The following HHAT variants were observed in gnomAD, a reference collection of about 807,000 sequenced individuals.
HHAT encodes the protein protein-cysteine N-palmitoyltransferase HHAT.
Under a neutral mutation model 70.8 loss-of-function variants are expected in HHAT, and 47 were observed. The observed-to-expected ratio is 0.66, with a 90% CI of 0.53 to 0.85. The LOEUF (loss-of-function observed/expected upper bound fraction) is 0.85, where lower values mean the gene tolerates loss of function less well. HHAT is among the 40% of genes least tolerant of loss of function. HHAT has a pLI of 0.00. For synonymous variants in HHAT, 228 were observed against 247.6 expected (o/e 0.92, Z 0.74); for missense variants, 609 against 604.8 (o/e 1.01, Z -0.07).
intron 11 of HHAT, among the ~76,000 whole-genome samples, chr1:210,643,686 G>A (rs371633314): frequency 3.3e-5 from 5 of 151,706 alleles, no homozygotes; most frequent in Non-Finnish European, 4.4e-5. Flanking sequence ...TGGCATTTGC[G>A]TTGTCTTTCA....
intron 7 of HHAT, among the ~76,000 whole-genome samples, chr1:210,420,593 A>G (rs1213080309): frequency 1.3e-5 from 2 of 152,122 alleles, no homozygotes; most frequent in African/African-American, 2.4e-5. Context: ...AGCATGGCAC[A>G]TGTATACATA....
chr1:210,619,516 C>T (rs1668425883), intron 10 of HHAT, among the ~76,000 whole-genome samples: 1 of 152,168 alleles, frequency 6.6e-6, no homozygotes, highest in Admixed American at 6.5e-5. Context: ...TTTGGCATTA[C>T]TCCTAATGCC....
rs960237574 is a variant in HHAT at position 210,643,761 on chromosome 1, A to G, written c.1390+20091A>G. Among the ~76,000 whole-genome samples, 11 of 152,000 alleles carry G rather than the reference A, an allele frequency of 7.2e-5. 1 individual carries two copies. Among genetic ancestry groups the G allele is most frequent in the Non-Finnish European group, 1.6e-4 (11 of 68,014 alleles). The stretch of plus-strand genomic sequence containing the variant: ...GTTGGAAGAGAAAAAGGAACATCTT[A>G]TTCAATTTAATAGACAGAATTTAAA... On this transcript the variant is annotated intron_variant, in intron 11 of 11. Transcript: ENST00000261458.
chr1:210,611,134 C>T (rs1252960965), intron 10 of HHAT, among the ~76,000 whole-genome samples: 1 of 152,160 alleles, frequency 6.6e-6, no homozygotes, highest in East Asian at 1.9e-4. Context: ...ATTGATTATT[C>T]CTATCCATGA....
intron 8 of HHAT, among the ~76,000 whole-genome samples, chr1:210,497,165 G>T (rs761176478): frequency 2.0e-5 from 3 of 152,226 alleles, no homozygotes; most frequent in East Asian, 3.9e-4. Flanking sequence ...TGAGAATAGG[G>T]ATTATTAGAA....
At chr1:210,348,493 C>T (rs977247826) in intron 1 of HHAT, among the ~76,000 whole-genome samples, 1 of 152,066 alleles carries the variant, frequency 6.6e-6, no homozygotes, top group African/African-American at 2.4e-5. Flanking sequence ...TTTTTGAAGC[C>T]ATTTATTATT....
chr1:210,406,673 G>A (rs6684845), intron 6 of HHAT, among the ~76,000 whole-genome samples: 2,435 of 152,292 alleles, frequency 0.016, 73 homozygotes, highest in African/African-American at 0.056. Flanking sequence ...TTACAGGCTT[G>A]AGCCTGGCCT....
At chr1:210,627,433 C>G (rs549528874) in intron 11 of HHAT, among the ~76,000 whole-genome samples, 2 of 152,170 alleles carry the variant, frequency 1.3e-5, no homozygotes, top group East Asian at 3.9e-4. Context: ...TTTGCTTGCT[C>G]TAAACTACAA....
chr1:210,367,003 A>G (rs1403774611), intron 3 of HHAT, among the ~76,000 whole-genome samples: 4 of 152,118 alleles, frequency 2.6e-5, no homozygotes, highest in Non-Finnish European at 5.9e-5. Context: ...TCAAGTCCAT[A>G]TGGAGCGCTG....
chr1:210,411,161 T>G (rs1250509192), intron 6 of HHAT, among the ~76,000 whole-genome samples: 1 of 152,134 alleles, frequency 6.6e-6, no homozygotes, highest in Non-Finnish European at 1.5e-5. Flanking sequence ...CAGCGATATT[T>G]TCTTGATTAT....
intron 7 of HHAT, among the ~76,000 whole-genome samples, chr1:210,428,037 A>G (rs868445191): frequency 5.3e-5 from 8 of 152,058 alleles, no homozygotes; most frequent in South Asian, 2.1e-4. Context: ...ATCCTTTACC[A>G]TAATGTAATG....
chr1:210,648,028 C>T (rs1200726735), intron 11 of HHAT, among the ~76,000 whole-genome samples: 2 of 152,180 alleles, frequency 1.3e-5, no homozygotes, highest in African/African-American at 4.8e-5. Context: ...TTGTGTCCCA[C>T]CTCTGGGTAA....
At chr1:210,400,735 C>T (rs139341235) in intron 5 of HHAT, 73 bp downstream of exon 5, 4 of 1,386,902 alleles carry the variant, frequency 2.9e-6, no homozygotes, top group African/African-American at 2.9e-5. Flanking sequence ...CAGTAGACAC[C>T]TTGGTTTTCA....
rs77847267 is a variant in HHAT at position 210,531,599 on chromosome 1, T to C, written c.1043+18411T>C. ...GAGCCTCGGTTTTTTCATTTGTAAG[T>C]TGGAAATGATAAATTTGCTAATGTA... On this transcript the variant is annotated intron_variant, in intron 9 of 11. Coordinates refer to ENST00000261458, the MANE Select transcript of HHAT (RefSeq NM_018194.6). 1.4e-4 allele frequency among the ~76,000 whole-genome samples: 21 copies of C among 152,332 alleles called. No individual in the cohort carries two copies. In the East Asian group the frequency reaches 3.7e-3, roughly 27 times the overall value.
intron 1 of HHAT, among the ~76,000 whole-genome samples, chr1:210,334,765 AACT>A (rs1359218086): frequency 1.3e-5 from 2 of 151,844 alleles, no homozygotes; most frequent in Non-Finnish European, 2.9e-5. Context: ...AAGAAAAATG[AACT>A]ACTATCACAT....
intron 3 of HHAT, among the ~76,000 whole-genome samples, chr1:210,373,721 T>C (rs1423718895): frequency 9.9e-5 from 15 of 152,212 alleles, no homozygotes. Flanking sequence ...ATCAGTGGAA[T>C]TGATGGAGTC....
intron 9 of HHAT, among the ~76,000 whole-genome samples, chr1:210,568,077 T>C (rs2148725854): frequency 6.6e-6 from 1 of 152,332 alleles, no homozygotes; most frequent in South Asian, 2.1e-4. Context: ...GATGGGACTT[T>C]CAGCCCCATC....
rs2084732759 is a variant in HHAT, at chr1:210,328,917, G to A, written c.-231G>A. On this transcript the variant is annotated 5_prime_UTR_variant, in exon 1 of 12. Coordinates refer to ENST00000261458, the MANE Select transcript of HHAT (RefSeq NM_018194.6). ...GAGGGCGCGCGGGCACGGCGGCAGG[G>A]GCGTGCTCGGAGGACGCGCGCTGCG... The A allele has an allele frequency of 1.1e-6, 1 of 921,022 alleles. No homozygotes were observed. Among genetic ancestry groups the A allele is most frequent in the Non-Finnish European group, 1.4e-6 (1 of 699,788 alleles). The allele number at this position is 921,022 out of a possible 1,614,324, so 57.1% of individuals were successfully genotyped here.
chr1:210,654,794 T>G (rs1676036169), intron 11 of HHAT, among the ~76,000 whole-genome samples: 1 of 152,166 alleles, frequency 6.6e-6, no homozygotes, highest in Non-Finnish European at 1.5e-5. Context: ...TGGGAAGGGT[T>G]CCAACAGCCT....
Sources: allele counts gnomAD v4.1 joint callset (sites outside exome capture counted in the v4.1 genomes callset), GRCh38; gene constraint gnomAD v4.1.1; transcripts MANE v1.5; gene names NCBI Gene and HGNC (gene_info 2026-07-23, HGNC 2026-07-21).